Variants in TUSC3 observed in about 807,000 individuals in gnomAD.
TUSC3 encodes tumor suppressor candidate 3.
In TUSC3, 45 loss-of-function variants were observed where a neutral mutation model predicts 44.8. The observed-to-expected ratio is 1.00, with a 90% confidence interval of 0.79 to 1.29. TUSC3 has a LOEUF of 1.29. TUSC3 is among the 50% of genes most tolerant of loss of function. TUSC3 has a pLI of 0.00. For missense variants in TUSC3, 519 were observed against 437.9 expected (o/e 1.19, Z -1.65); for synonymous variants, 212 against 152.9 (o/e 1.39, Z -2.85).
Position 15,664,672 on chromosome 8 carries a change from CA to C in TUSC3, c.708+2378del, listed in dbSNP as rs569324613. ...TACACTGATAATATAATGTTAAATT[CA>C]ACAACGTTTGTAATACTTTTCTGCA... On this transcript the variant is annotated intron_variant, in intron 5 of 10. Transcript: ENST00000503731. 3.3e-3 allele frequency among the ~76,000 whole-genome samples: 487 copies of C among 149,550 alleles called. 6 individuals carry two copies. The highest frequency in any genetic ancestry group is 0.011 in the African/African-American group (469 of 41,114).
the TUSC3 span, among the ~76,000 whole-genome samples, chr8:15,826,331 G>T: frequency 6.6e-6 from 1 of 152,076 alleles, no homozygotes; most frequent in Non-Finnish European, 1.5e-5. Flanking sequence ...TCATCTTCCA[G>T]ACAGCGAATA....
intron 1 of TUSC3, 125 bp downstream of exon 1, chr8:15,540,693 G>A: frequency 3.0e-6 from 4 of 1,327,278 alleles, no homozygotes; most frequent in Non-Finnish European, 4.0e-6. Context: ...CGGCGCTGGG[G>A]CGGGAGCCGC....
At chr8:15,553,632 G>A (rs951643422) in intron 1 of TUSC3, among the ~76,000 whole-genome samples, 2 of 151,626 alleles carry the variant, frequency 1.3e-5, no homozygotes, top group African/African-American at 2.4e-5. Context: ...TAGCAAGAAC[G>A]GCTTCATTGC....
the TUSC3 span, among the ~76,000 whole-genome samples, chr8:15,799,251 T>A: frequency 6.6e-6 from 1 of 152,168 alleles, no homozygotes; most frequent in African/African-American, 2.4e-5. Context: ...CCTTAGCACA[T>A]GTCTCAAGGG....
chr8:15,459,377 T>C (rs77368628), intron 1 of TUSC3, among the ~76,000 whole-genome samples: 1 of 151,240 alleles, frequency 6.6e-6, no homozygotes, highest in African/African-American at 2.4e-5. Flanking sequence ...GAAACTCTTC[T>C]TTTTTTTTGA....
intron 2 of TUSC3, among the ~76,000 whole-genome samples, chr8:15,517,390 C>T (rs1431825272): frequency 1.3e-5 from 2 of 151,940 alleles, no homozygotes; most frequent in Admixed American, 6.6e-5. Flanking sequence ...ATCCCAATTA[C>T]ACACACAGAC....
At chr8:15,487,684 A>C (rs1382898884) in intron 2 of TUSC3, among the ~76,000 whole-genome samples, 1 of 152,316 alleles carries the variant, frequency 6.6e-6, no homozygotes, top group African/African-American at 2.4e-5. Flanking sequence ...CTGTTACTCC[A>C]ATATCAGCAC....
intron 2 of TUSC3, among the ~76,000 whole-genome samples, chr8:15,519,822 A>T (rs914425697): frequency 1.3e-5 from 2 of 152,220 alleles, no homozygotes; most frequent in African/African-American, 4.8e-5. Context: ...TGCCTGTTCT[A>T]TGTTAAAATA....
At position 15,617,791 on chromosome 8, in the gene TUSC3, C is replaced by G. The variant is rs567403102; in HGVS notation, c.139-5289C>G. ...TAAAGTTTGGTTTTTATTTTGAAAC[C>G]ATCCTCCCAACCCTGGCTGATCATT... On this transcript the variant is annotated intron_variant, in intron 1 of 10. Coordinates refer to ENST00000503731, the MANE Select transcript of TUSC3 (RefSeq NM_006765.4). Among the ~76,000 whole-genome samples the G allele has an allele frequency of 7.9e-5, 12 of 152,186 alleles. No homozygotes were observed. In the East Asian group the frequency reaches 2.3e-3, roughly 29 times the overall value.
chr8:15,445,969 A>T (rs907185802), intron 1 of TUSC3, among the ~76,000 whole-genome samples: 5 of 145,360 alleles, frequency 3.4e-5, no homozygotes, highest in African/African-American at 1.3e-4. Flanking sequence ...CACCTCGCGG[A>T]TGGGGCAGCT....
chr8:15,570,294 A>T (rs1025983866), intron 1 of TUSC3, among the ~76,000 whole-genome samples: 115 of 151,500 alleles, frequency 7.6e-4, no homozygotes, highest in African/African-American at 2.7e-3. Flanking sequence ...ACACACACAC[A>T]CACACACACT....
intron 6 of TUSC3, among the ~76,000 whole-genome samples, chr8:15,694,040 T>C (rs1287344473): frequency 2.0e-5 from 3 of 152,170 alleles, no homozygotes; most frequent in African/African-American, 7.2e-5. Context: ...TGTATAGTTT[T>C]ATTGTATTCC....
intron 2 of TUSC3, among the ~76,000 whole-genome samples, chr8:15,498,330 G>A (rs562610721): frequency 2.6e-5 from 4 of 152,324 alleles, no homozygotes; most frequent in East Asian, 1.9e-4. Context: ...TTTGCTCAGC[G>A]ATGTAGGAAG....
chr8:15,556,194 C>T (rs1464743036), intron 1 of TUSC3, among the ~76,000 whole-genome samples: 1 of 127,710 alleles, frequency 7.8e-6, no homozygotes, highest in Non-Finnish European at 1.6e-5. Context: ...GTGTGATATT[C>T]CCCTTCCTGT....
At chr8:15,502,999 A>T (rs1800988839) in intron 2 of TUSC3, among the ~76,000 whole-genome samples, 1 of 152,186 alleles carries the variant, frequency 6.6e-6, no homozygotes, top group South Asian at 2.1e-4. Context: ...TTACAGGGTT[A>T]GAGAAATTTA....
chr8:15,447,825 C>A (rs1023768012), intron 1 of TUSC3, among the ~76,000 whole-genome samples: 6 of 151,042 alleles, frequency 4.0e-5, no homozygotes, highest in Non-Finnish European at 7.4e-5. Flanking sequence ...GTAAGTGATA[C>A]CATGCGAGAA....
intron 2 of TUSC3, among the ~76,000 whole-genome samples, chr8:15,637,537 T>C (rs1198548761): frequency 1.3e-5 from 2 of 152,210 alleles, no homozygotes; most frequent in Non-Finnish European, 2.9e-5. Context: ...GTTTCAGTTT[T>C]CTCTTCATGA....
rs751767095 is a variant in TUSC3, at chr8:15,650,726, C to T, written c.338C>T (p.Ala113Val). Residue 113 changes from alanine (A) to valine (V), a missense_variant, in exon 3 of 11, where the codon GCG (alanine) becomes GTG (valine). Coordinates refer to ENST00000503731, the MANE Select transcript of TUSC3 (RefSeq NM_006765.4). Reference protein sequence around the residue: ...RQANEEYQILANSWRYSSAFC... With the variant: ...RQANEEYQILVNSWRYSSAFC... The stretch of plus-strand genomic sequence containing the variant: ...GCTAATGAAGAATATCAAATACTGG[C>T]GAACTCCTGGCGCTATTCATCTGCT... 6.2e-6 allele frequency: 10 copies of T among 1,614,020 alleles called. No individual in the cohort carries two copies. The highest frequency in any genetic ancestry group is 1.1e-5 in the South Asian group (1 of 91,074).
chr8:15,510,013 TAAAAAG>T (rs1281382652), intron 2 of TUSC3, among the ~76,000 whole-genome samples: 1 of 151,632 alleles, frequency 6.6e-6, no homozygotes, highest in Non-Finnish European at 1.5e-5. Context: ...CTACAAAAAA[TAAAAAG>T]AAAAATAGCG....
Sources: allele counts gnomAD v4.1 joint callset (sites outside exome capture counted in the v4.1 genomes callset), GRCh38; gene constraint gnomAD v4.1.1; transcripts MANE v1.5; gene names NCBI Gene and HGNC (gene_info 2026-07-23, HGNC 2026-07-21).